The following CMKLR1 variants were observed in gnomAD, a reference collection of about 807,000 sequenced individuals.
CMKLR1 encodes the protein chemerin-like receptor 1.
Under a neutral mutation model 8.2 loss-of-function variants are expected in CMKLR1, and 6 were observed. The ratio of observed to expected loss-of-function variants is 0.73; its 90% CI spans 0.40 to 1.44. The LOEUF (loss-of-function observed/expected upper bound fraction) is 1.44, where lower values mean the gene tolerates loss of function less well. CMKLR1 is among the 40% of genes most tolerant of loss of function. The pLI is 0.02. For synonymous variants in CMKLR1, 178 were observed against 181.2 expected, an observed-to-expected ratio of 0.98 and a Z score of 0.14; for missense variants, 429 against 478.0, an observed-to-expected ratio of 0.90 and a Z score of 0.96.
intron 1 of CMKLR1, among the ~76,000 whole-genome samples, chr12:108,331,968 T>C (rs763173111): frequency 1.3e-5 from 2 of 152,242 alleles, no homozygotes; most frequent in Non-Finnish European, 2.9e-5. Context: ...GTTATTGTTA[T>C]AGCAGTAACA....
At chr12:108,309,943 G>T (rs748595659) in intron 2 of CMKLR1, among the ~76,000 whole-genome samples, 2 of 152,122 alleles carry the variant, frequency 1.3e-5, no homozygotes, top group Non-Finnish European at 2.9e-5. Context: ...TTCATAAATG[G>T]GTCATTTGGG....
chr12:108,339,019 G>C lies in CMKLR1; in HGVS notation c.-287+8C>G, dbSNP rs1314037284. 6.6e-6 allele frequency: 1 copy of C among 152,220 alleles called. No homozygotes were observed. Among genetic ancestry groups the C allele is most frequent in the Non-Finnish European group, 1.5e-5 (1 of 68,042 alleles). The allele number at this position is 152,220 out of a possible 1,614,324, so 9.4% of individuals were successfully genotyped here. ...CAGAAGACACCCAAGGCAAGTGTGT[G>C]ATGATACCTTCCCTCTGGTCTCTGC... On this transcript the variant is annotated splice_region_variant and intron_variant, in intron 1 of 3. Coordinates refer to ENST00000550402, the MANE Select transcript of CMKLR1 (RefSeq NM_001142343.2).
intron 1 of CMKLR1, among the ~76,000 whole-genome samples, chr12:108,331,730 G>C (rs1017091866): frequency 3.3e-5 from 5 of 152,182 alleles, no homozygotes; most frequent in African/African-American, 4.8e-5. Flanking sequence ...TTGATGTGAC[G>C]AGGACTCAAC....
At chr12:108,319,200 G>C (rs1566026733) in intron 2 of CMKLR1, among the ~76,000 whole-genome samples, 1 of 152,186 alleles carries the variant, frequency 6.6e-6, no homozygotes, top group Non-Finnish European at 1.5e-5. Context: ...CATGAGCAGA[G>C]ATCTTTGAAA....
At chr12:108,326,535 T>C (rs1233239950) in intron 2 of CMKLR1, among the ~76,000 whole-genome samples, 1 of 152,088 alleles carries the variant, frequency 6.6e-6, no homozygotes, top group African/African-American at 2.4e-5. Context: ...GACAGTCCCA[T>C]CATAAAGGCC....
intron 2 of CMKLR1, among the ~76,000 whole-genome samples, chr12:108,328,671 G>A (rs1892038513): frequency 6.6e-6 from 1 of 152,158 alleles, no homozygotes; most frequent in South Asian, 2.1e-4. Context: ...AGTTGAGTCT[G>A]TCATAAAAAA....
chr12:108,323,443 T>G (rs1203490623), intron 2 of CMKLR1, among the ~76,000 whole-genome samples: 1 of 152,140 alleles, frequency 6.6e-6, no homozygotes, highest in Non-Finnish European at 1.5e-5. Context: ...CCCTTCTGTT[T>G]GACATTGGGG....
chr12:108,307,390 TCTTACAA>T (rs1891438030), intron 2 of CMKLR1, among the ~76,000 whole-genome samples: 1 of 152,098 alleles, frequency 6.6e-6, no homozygotes, highest in Admixed American at 6.5e-5. Context: ...GTCACTCTTC[TCTTACAA>T]CCAGGTCAGC....
At chr12:108,329,714 T>C (rs1004575483) in intron 2 of CMKLR1, among the ~76,000 whole-genome samples, 2 of 152,206 alleles carry the variant, frequency 1.3e-5, no homozygotes, top group African/African-American at 4.8e-5. Flanking sequence ...GCCTCCACTC[T>C]GTCTGTTTAC....
intron 2 of CMKLR1, among the ~76,000 whole-genome samples, chr12:108,298,709 C>A (rs1891194827): frequency 6.6e-6 from 1 of 152,246 alleles, no homozygotes; most frequent in African/African-American, 2.4e-5. Flanking sequence ...GGCCTGACAC[C>A]TGTCTGCCTC....
intron 1 of CMKLR1, among the ~76,000 whole-genome samples, chr12:108,338,073 C>G (rs77395106): frequency 6.6e-6 from 1 of 152,266 alleles, no homozygotes; most frequent in East Asian, 1.9e-4. Context: ...ATCTCTGAAC[C>G]GCACAGGTCT....
At chr12:108,331,439 C>CAGG (rs371255959) in intron 1 of CMKLR1, among the ~76,000 whole-genome samples, 68,049 of 151,654 alleles carry the variant, frequency 0.45, 15,719 homozygotes, top group Admixed American at 0.54. Context: ...CAATACTCTG[C>CAGG]TGAACCAACT....
chr12:108,294,475 C>A (rs1891077039), intron 2 of CMKLR1, among the ~76,000 whole-genome samples: 1 of 152,212 alleles, frequency 6.6e-6, no homozygotes, highest in African/African-American at 2.4e-5. Context: ...ATGCAGGGTT[C>A]ATACCTAACC....
In CMKLR1 at chr12:108,339,234, C is replaced by T. The variant is rs1208811611; in HGVS notation, c.-494G>A. 6.6e-6 allele frequency: 1 copy of T among 152,364 alleles called. No homozygotes were observed. The highest frequency in any genetic ancestry group is 1.5e-5 in the Non-Finnish European group (1 of 68,284). 9.4% of individuals were successfully genotyped at this position (152,364 alleles called of 1,614,324 possible). ...CCCCAGAGCGCCGCAGCTGGAACAC[C>T]CCTATCACCCGGAGGCTTCCCAGGG... On this transcript the variant is annotated 5_prime_UTR_variant, in exon 1 of 4. Coordinates refer to ENST00000550402, the MANE Select transcript of CMKLR1 (RefSeq NM_001142343.2).
intron 2 of CMKLR1, among the ~76,000 whole-genome samples, chr12:108,312,297 C>T (rs1046701474): frequency 6.6e-6 from 1 of 152,216 alleles, no homozygotes; most frequent in Non-Finnish European, 1.5e-5. Context: ...ACAGCATTTC[C>T]AAGCATCGTG....
intron 2 of CMKLR1, among the ~76,000 whole-genome samples, chr12:108,307,731 G>A (rs139282510): frequency 0.011 from 1,655 of 152,296 alleles, 25 homozygotes; most frequent in African/African-American, 0.037. Flanking sequence ...CTTTATTCAA[G>A]TCCCTCAGCT....
At chr12:108,336,282 C>T (rs188553672) in intron 1 of CMKLR1, among the ~76,000 whole-genome samples, 1 of 152,322 alleles carries the variant, frequency 6.6e-6, no homozygotes, top group African/African-American at 2.4e-5. Context: ...CGCAGTGGCT[C>T]ACGCCTGTAA....
At chr12:108,322,994 T>C (rs1209989576) in intron 2 of CMKLR1, among the ~76,000 whole-genome samples, 1 of 151,994 alleles carries the variant, frequency 6.6e-6, no homozygotes, top group Admixed American at 6.6e-5. Flanking sequence ...CATACCTCAT[T>C]CTCTCAGATT....
intron 2 of CMKLR1, among the ~76,000 whole-genome samples, chr12:108,326,149 G>A (rs1326246487): frequency 6.6e-6 from 1 of 152,188 alleles, no homozygotes; most frequent in East Asian, 1.9e-4. Flanking sequence ...GGGAGGAAGA[G>A]AGAGGCCCCA....
Sources: allele counts gnomAD v4.1 joint callset (sites outside exome capture counted in the v4.1 genomes callset), GRCh38; gene constraint gnomAD v4.1.1; transcripts MANE v1.5; gene names NCBI Gene and HGNC (gene_info 2026-07-23, HGNC 2026-07-21).